The following FAM241B variants were observed in gnomAD, a reference collection of about 807,000 sequenced individuals.
FAM241B encodes family with sequence similarity 241 member B.
Under a neutral mutation model 9.3 loss-of-function variants are expected in FAM241B, and 7 were observed. The observed-to-expected ratio is 0.75, with a 90% CI of 0.43 to 1.41. FAM241B has a LOEUF of 1.41. Ranked by LOEUF, FAM241B falls within the 40% of genes most tolerant of loss-of-function variation. The probability of loss-of-function intolerance (pLI) is 0.01; values close to 1 mark genes in which losing one functional copy is unlikely to be tolerated. For missense variants in FAM241B, 136 were observed against 159.6 expected, an observed-to-expected ratio of 0.85 and a Z score of 0.80; for synonymous variants, 60 against 64.1, an observed-to-expected ratio of 0.94 and a Z score of 0.31.
At position 69,633,419 on chromosome 10, in the gene FAM241B, C is replaced by T. The variant is rs959149478; in HGVS notation, c.*360C>T. Reference sequence around the variant, plus strand: ...CCGATGCCTGTGGAAGACATGCCGACGTCTCCTCTGCCTAGGGAGCAGGAC... The same window carrying T: ...CCGATGCCTGTGGAAGACATGCCGATGTCTCCTCTGCCTAGGGAGCAGGAC... On this transcript the variant is annotated 3_prime_UTR_variant, in exon 4 of 4. Coordinates refer to ENST00000373279, the MANE Select transcript of FAM241B (RefSeq NM_145306.3). 1.4e-5 allele frequency: 4 copies of T among 287,852 alleles called. No individual in the cohort carries two copies. The highest frequency in any genetic ancestry group is 6.5e-6 in the Non-Finnish European group (1 of 152,746). 17.8% of individuals were successfully genotyped at this position (287,852 alleles called of 1,614,324 possible).
At chr10:69,632,228 A>T (rs190297979) in intron 3 of FAM241B, among the ~76,000 whole-genome samples, 455 of 152,240 alleles carry the variant, frequency 3.0e-3, no homozygotes, top group African/African-American at 0.01. Flanking sequence ...TGGGAGGCTG[A>T]GGTGGGCGGA....
In FAM241B at chr10:69,631,991, A is replaced by G. The variant is rs1400982157; in HGVS notation, c.96+152A>G. ...GGGAAGATGCAGTGGCTTATTGTCT[A>G]CCTCCCCAGATCTCCTTTCTCCAGG... On this transcript the variant is annotated intron_variant, in intron 3 of 3. Coordinates refer to ENST00000373279, the MANE Select transcript of FAM241B (RefSeq NM_145306.3). The G allele has an allele frequency of 1.0e-5, 10 of 965,876 alleles. No homozygotes were observed. The East Asian group carries it at 2.1e-4, about 21-fold the overall frequency. The allele number at this position is 965,876 out of a possible 1,614,324, so 59.8% of individuals were successfully genotyped here.
intron 1 of FAM241B, chr10:69,630,571 G>T: frequency 8.5e-7 from 1 of 1,182,348 alleles, no homozygotes; most frequent in South Asian, 1.4e-5. Context: ...TCAGGAGGGG[G>T]ACGCGCCTGT....
intron 1 of FAM241B, among the ~76,000 whole-genome samples, chr10:69,630,824 G>C (rs1169528534): frequency 6.6e-6 from 1 of 152,226 alleles, no homozygotes; most frequent in Non-Finnish European, 1.5e-5. Flanking sequence ...CCCTGCGCCC[G>C]TTAGCCAAGG....
At position 69,631,698 on chromosome 10, in the gene FAM241B, A is replaced by T; in HGVS notation, c.-35-11A>T. ...TTCCATTAGCCTGCCCACCCTGACCACACAATGCAGGTGCAGCCCATCAGG... is the reference window on the plus strand; with the variant it reads ...TTCCATTAGCCTGCCCACCCTGACCTCACAATGCAGGTGCAGCCCATCAGG... On this transcript the variant is annotated splice_polypyrimidine_tract_variant and intron_variant, in intron 2 of 3. Transcript: ENST00000373279. 3 of 1,598,038 alleles carry T rather than the reference A, an allele frequency of 1.9e-6. No individual in the cohort carries two copies. Among genetic ancestry groups the T allele is most frequent in the Non-Finnish European group, 2.6e-6 (3 of 1,173,096 alleles).
At position 69,631,498 on chromosome 10, in the gene FAM241B, GTGGGTC is replaced by G; in HGVS notation, c.-84_-79del. ...TAATCAGACACAGCATCTACTCAGCGTGGGTCACCTCTGTGAACATCACTGACTGCA... is the reference window on the plus strand; with the variant it reads ...TAATCAGACACAGCATCTACTCAGCGACCTCTGTGAACATCACTGACTGCA... On this transcript the variant is annotated 5_prime_UTR_variant, in exon 2 of 4. Coordinates refer to ENST00000373279, the MANE Select transcript of FAM241B (RefSeq NM_145306.3). The G allele has an allele frequency of 6.5e-7, 1 of 1,531,362 alleles. No individual in the cohort carries two copies. The allele number at this position is 1,531,362 out of a possible 1,614,324, so 94.9% of individuals were successfully genotyped here.
At position 69,633,420 on chromosome 10, in the gene FAM241B, G is replaced by C. The variant is rs1839866180; in HGVS notation, c.*361G>C. On this transcript the variant is annotated 3_prime_UTR_variant, in exon 4 of 4. Transcript: ENST00000373279. ...CGATGCCTGTGGAAGACATGCCGACGTCTCCTCTGCCTAGGGAGCAGGACT... is the reference window on the plus strand; with the variant it reads ...CGATGCCTGTGGAAGACATGCCGACCTCTCCTCTGCCTAGGGAGCAGGACT... The C allele has an allele frequency of 4.8e-5, 14 of 291,126 alleles. No individual in the cohort carries two copies. In the South Asian group the frequency reaches 6.6e-4, roughly 14 times the overall value. 18.0% of individuals were successfully genotyped at this position (291,126 alleles called of 1,614,324 possible). A position where few individuals can be genotyped will look rare whatever the true frequency, so the allele number is the denominator to read the frequency against.
chr10:69,630,757 G>A, intron 1 of FAM241B: 1 of 1,044,380 alleles, frequency 9.6e-7, no homozygotes, highest in Non-Finnish European at 1.2e-6. Flanking sequence ...GGTCCGCGGA[G>A]TGGAGCCTTT....
intron 2 of FAM241B, 69 bp from the exon 3 acceptor site, chr10:69,631,640 T>A: frequency 6.4e-7 from 1 of 1,555,378 alleles, no homozygotes; most frequent in Non-Finnish European, 8.7e-7. Context: ...AGCTAAAGGT[T>A]TTGTGGTGGG....
chr10:69,632,032 C>G (rs1003210981), intron 3 of FAM241B, among the ~76,000 whole-genome samples, 193 bp downstream of exon 3: 2 of 152,176 alleles, frequency 1.3e-5, no homozygotes, highest in Non-Finnish European at 2.9e-5. Context: ...CCCCAGACTT[C>G]ACAGCCAAGA....
intron 3 of FAM241B, 136 bp downstream of exon 3, chr10:69,631,975 C>T (rs887956022): frequency 3.5e-5 from 14 of 396,460 alleles, no homozygotes; most frequent in Non-Finnish European, 5.1e-5. Context: ...GGGGAAGATG[C>T]AGTGGCTTAT....
chr10:69,633,077 G>C lies in FAM241B; in HGVS notation c.*18G>C. On this transcript the variant is annotated 3_prime_UTR_variant, in exon 4 of 4. Coordinates refer to ENST00000373279, the MANE Select transcript of FAM241B (RefSeq NM_145306.3). ...AGCGGTGACCTCTGAGGGCTGATAG[G>C]GGTGGGTTTGTTGAGAGGGACTTGC... 6.2e-7 allele frequency: 1 copy of C among 1,613,302 alleles called. No homozygotes were observed. The highest frequency in any genetic ancestry group is 1.3e-5 in the African/African-American group (1 of 75,014).
chr10:69,631,350 A>G (rs1839815815), intron 1 of FAM241B, 130 bp from the exon 2 acceptor site: 2 of 650,874 alleles, frequency 3.1e-6, no homozygotes, highest in South Asian at 3.4e-5. Context: ...TGCTGTTGGC[A>G]GTGTAGTGAT....
chr10:69,632,592 T>C (rs1399615984), intron 3 of FAM241B, among the ~76,000 whole-genome samples, 198 bp from the exon 4 acceptor site: 3 of 152,048 alleles, frequency 2.0e-5, no homozygotes, highest in Non-Finnish European at 4.4e-5. Context: ...GTGAGGAATA[T>C]AGACTGGCAT....
Position 69,632,949 on chromosome 10 carries a change from G to C in FAM241B, c.256G>C (p.Val86Leu). Residue 86 changes from valine to leucine, a missense_variant, in exon 4 of 4, where the codon GTG becomes CTG. Coordinates refer to ENST00000373279, the MANE Select transcript of FAM241B (RefSeq NM_145306.3). ...FPQWHLGNHA[V>L]EPVTSILLLF... ...GCAGTGGCATCTTGGCAACCATGCT[G>C]TGGAGCCGGTGACCTCCATCCTGCT... 1 of 1,614,226 alleles carries C rather than the reference G, an allele frequency of 6.2e-7. No individual in the cohort carries two copies. The highest frequency in any genetic ancestry group is 8.5e-7 in the Non-Finnish European group (1 of 1,180,036).
At chr10:69,630,737 G>T (rs1589690459) in intron 1 of FAM241B, 2 of 1,180,768 alleles carry the variant, frequency 1.7e-6, no homozygotes, top group East Asian at 6.6e-5. Flanking sequence ...GAGGGGCCCC[G>T]CAGTCCAGGG....
At chr10:69,630,800 T>A in intron 1 of FAM241B, 1 of 662,472 alleles carries the variant, frequency 1.5e-6, no homozygotes. Context: ...CTCCCATATT[T>A]TGGGAAGGCT....
intron 3 of FAM241B, among the ~76,000 whole-genome samples, chr10:69,632,052 C>A (rs1839834957): frequency 6.6e-6 from 1 of 152,158 alleles, no homozygotes; most frequent in Non-Finnish European, 1.5e-5. Context: ...AGCTCTCTCT[C>A]CTTTAACTTG....
At position 69,633,530 on chromosome 10, in the gene FAM241B, G is replaced by A. The variant is rs201447208; in HGVS notation, c.*471G>A. ...GTATATTTTTATTGGCTACTTTATT[G>A]TTTAGGACAAGTGGTAGTGGCATTC... On this transcript the variant is annotated 3_prime_UTR_variant, in exon 4 of 4. Transcript: ENST00000373279. 6.0e-6 allele frequency: 1 copy of A among 166,880 alleles called. No individual in the cohort carries two copies. Among genetic ancestry groups the A allele is most frequent in the African/African-American group, 2.4e-5 (1 of 41,598 alleles). 10.3% of individuals were successfully genotyped at this position (166,880 alleles called of 1,614,324 possible). A position where few individuals can be genotyped will look rare whatever the true frequency, so the allele number is the denominator to read the frequency against.
Sources: allele counts gnomAD v4.1 joint callset (sites outside exome capture counted in the v4.1 genomes callset), GRCh38; gene constraint gnomAD v4.1.1; transcripts MANE v1.5; gene names NCBI Gene and HGNC (gene_info 2026-07-23, HGNC 2026-07-21).